CORO2A: variants seen among roughly 807,000 people sequenced by gnomAD.
CORO2A encodes the protein coronin 2A.
In CORO2A, 47 loss-of-function variants were observed where a neutral mutation model predicts 62.4. The ratio of observed to expected loss-of-function variants is 0.75; its 90% CI spans 0.60 to 0.96. The LOEUF (loss-of-function observed/expected upper bound fraction) is 0.96. Among genes scored for constraint, CORO2A ranks in the 40% least tolerant of loss-of-function variants. CORO2A has a pLI of 0.00. For missense variants in CORO2A, 610 were observed against 684.1 expected (o/e 0.89, Z 1.21); for synonymous variants, 273 against 268.9 (o/e 1.02, Z -0.15).
intron 1 of CORO2A, among the ~76,000 whole-genome samples, chr9:98,159,623 C>T (rs1827857507): frequency 6.6e-6 from 1 of 151,696 alleles, no homozygotes; most frequent in African/African-American, 2.4e-5. Flanking sequence ...TCCGCCCCTT[C>T]CCTAGCTCCC....
intron 1 of CORO2A, among the ~76,000 whole-genome samples, chr9:98,182,573 G>A (rs1018923584): frequency 1.3e-5 from 2 of 152,200 alleles, no homozygotes; most frequent in Non-Finnish European, 2.9e-5. Flanking sequence ...GGACTCAGGA[G>A]CCTTTTCTTT....
chr9:98,130,914 C>G (rs747042928), intron 7 of CORO2A, 41 bp downstream of exon 7: 1 of 1,538,560 alleles, frequency 6.5e-7, no homozygotes, highest in South Asian at 1.1e-5. Flanking sequence ...GCCGCTGTCT[C>G]AGGGGTCCAG....
At chr9:98,159,824 G>A (rs1827859682) in intron 1 of CORO2A, among the ~76,000 whole-genome samples, 1 of 152,014 alleles carries the variant, frequency 6.6e-6, no homozygotes, top group African/African-American at 2.4e-5. Context: ...TGCTCCAGGA[G>A]TGTCCAGCAC....
chr9:98,180,981 G>A (rs138858108), intron 1 of CORO2A, among the ~76,000 whole-genome samples: 13 of 152,306 alleles, frequency 8.5e-5, no homozygotes, highest in Admixed American at 2.0e-4. Context: ...CCAGTAACCT[G>A]GGACATCAGC....
chr9:98,160,683 C>G (rs985680651), intron 1 of CORO2A, among the ~76,000 whole-genome samples: 1 of 152,074 alleles, frequency 6.6e-6, no homozygotes, highest in Admixed American at 6.6e-5. Flanking sequence ...CCGCTCCAGG[C>G]CCCCCCACTC....
intron 1 of CORO2A, among the ~76,000 whole-genome samples, chr9:98,167,690 C>A (rs1378857910): frequency 6.6e-6 from 1 of 152,158 alleles, no homozygotes; most frequent in Non-Finnish European, 1.5e-5. Flanking sequence ...GAGTGGGCAC[C>A]TGACAGTATT....
chr9:98,124,990 A>G lies in CORO2A; in HGVS notation c.1447-85T>C, dbSNP rs563423928. ...AAACCACTATCCCTCTTTGACTCAGAAAGGTGGAGGCGGTCACATTAACAT... is the reference window on the plus strand; with the variant it reads ...AAACCACTATCCCTCTTTGACTCAGGAAGGTGGAGGCGGTCACATTAACAT... On this transcript the variant is annotated intron_variant, in intron 11 of 11. Coordinates refer to ENST00000375077, the MANE Select transcript of CORO2A (RefSeq NM_052820.4). 4 of 1,492,166 alleles carry G rather than the reference A, an allele frequency of 2.7e-6. No individual in the cohort carries two copies. The South Asian group carries it at 5.2e-5, about 19-fold the overall frequency. 92.4% of individuals were successfully genotyped at this position (1,492,166 alleles called of 1,614,324 possible). A position where few individuals can be genotyped will look rare whatever the true frequency, so the allele number is the denominator to read the frequency against.
In CORO2A at chr9:98,129,828, A is replaced by G. The variant is rs1827379607; in HGVS notation, c.933T>C (p.Thr311=). 1.9e-6 allele frequency: 3 copies of G among 1,614,078 alleles called. No individual in the cohort carries two copies. Among genetic ancestry groups the G allele is most frequent in the Non-Finnish European group, 2.5e-6 (3 of 1,179,962 alleles). Residue 311 remains threonine (T), a synonymous_variant, in exon 8 of 12, where the codon ACT becomes ACC. Coordinates refer to ENST00000375077, the MANE Select transcript of CORO2A (RefSeq NM_052820.4). Reference sequence around the variant, plus strand: ...TCTGTGGGTTATAGGAGCGGTACTCAGTCAGGTAGCTCAGGTGAGGCTTGT... The same window carrying G: ...TCTGTGGGTTATAGGAGCGGTACTCGGTCAGGTAGCTCAGGTGAGGCTTGT... ...SADKPHLSYL[T]EYRSYNPQKG... is the part of the protein sequence containing the mutation.
At chr9:98,134,733 A>T (rs2118815993) in intron 4 of CORO2A, 73 bp downstream of exon 4, 1 of 1,473,080 alleles carries the variant, frequency 6.8e-7, no homozygotes, top group Non-Finnish European at 9.1e-7. Flanking sequence ...ACTGTGACAG[A>T]ATACATTTCC....
intron 1 of CORO2A, among the ~76,000 whole-genome samples, chr9:98,185,656 C>T (rs1034549265): frequency 1.3e-5 from 2 of 152,242 alleles, no homozygotes; most frequent in African/African-American, 4.8e-5. Context: ...TGGGCCAACA[C>T]CGTGGTGCAG....
chr9:98,173,484 C>T (rs541858062), intron 1 of CORO2A, among the ~76,000 whole-genome samples: 1 of 152,296 alleles, frequency 6.6e-6, no homozygotes, highest in South Asian at 2.1e-4. Flanking sequence ...GCTCCATGAG[C>T]ACTCAACCAC....
At chr9:98,144,649 T>TGGA (rs767222367) in intron 2 of CORO2A, among the ~76,000 whole-genome samples, 1 of 152,098 alleles carries the variant, frequency 6.6e-6, no homozygotes, top group South Asian at 2.1e-4. Flanking sequence ...GAAGGCTCCC[T>TGGA]GGAGGAGGAG....
chr9:98,143,434 C>T (rs1436862590), intron 2 of CORO2A, among the ~76,000 whole-genome samples: 1 of 152,190 alleles, frequency 6.6e-6, no homozygotes, highest in Admixed American at 6.5e-5. Flanking sequence ...GGTGGCAGGA[C>T]GGGCAGAGGG....
At chr9:98,157,435 T>A (rs1253351413) in intron 2 of CORO2A, 25 bp downstream of exon 2, 1 of 1,611,584 alleles carries the variant, frequency 6.2e-7, no homozygotes, top group South Asian at 1.1e-5. Context: ...TCCAGAGAGC[T>A]GTTTGGGCCT....
At chr9:98,138,830 C>CCT (rs1235917454) in intron 2 of CORO2A, among the ~76,000 whole-genome samples, 1 of 151,612 alleles carries the variant, frequency 6.6e-6, no homozygotes, top group Non-Finnish European at 1.5e-5. Context: ...GGGTGGATCA[C>CCT]GAGGTCAGGA....
chr9:98,165,118 C>T (rs1459660297), intron 1 of CORO2A, among the ~76,000 whole-genome samples: 1 of 152,120 alleles, frequency 6.6e-6, no homozygotes, highest in African/African-American at 2.4e-5. Flanking sequence ...AAGCATGTAC[C>T]ACCGTGCTTG....
At chr9:98,190,208 C>T (rs1351866157) in intron 1 of CORO2A, among the ~76,000 whole-genome samples, 1 of 152,096 alleles carries the variant, frequency 6.6e-6, no homozygotes, top group Admixed American at 6.5e-5. Flanking sequence ...TTACAAATAA[C>T]AGCACTACAT....
chr9:98,186,877 G>A (rs1828245514), intron 1 of CORO2A, among the ~76,000 whole-genome samples: 2 of 152,084 alleles, frequency 1.3e-5, no homozygotes, highest in African/African-American at 4.8e-5. Flanking sequence ...CCCTAGCACT[G>A]AGCTCACTGC....
At chr9:98,154,464 T>C (rs1827776601) in intron 2 of CORO2A, among the ~76,000 whole-genome samples, 1 of 151,200 alleles carries the variant, frequency 6.6e-6, no homozygotes, top group African/African-American at 2.4e-5. Flanking sequence ...GGAAAATAAA[T>C]TACCCATAAT....
Sources: gnomAD v4.1 joint callset for allele counts (sites outside exome capture counted in the v4.1 genomes callset) on GRCh38, gnomAD v4.1.1 for gene constraint, MANE v1.5 for transcripts, NCBI Gene and HGNC (gene_info 2026-07-23, HGNC 2026-07-21) for gene names.